CNTN6: variants seen among roughly 807,000 people sequenced by gnomAD.
CNTN6 encodes the protein contactin-6.
A neutral mutation model predicts 122.8 loss-of-function variants in CNTN6; 137 were observed. That is an observed-to-expected ratio of 1.12 (90% CI 0.97 to 1.29). The LOEUF is 1.29. Ranked by LOEUF, CNTN6 falls within the 50% of genes most tolerant of loss-of-function variation. CNTN6 has a pLI of 0.00. For missense variants in CNTN6, 1,634 were observed against 1,223.4 expected, an observed-to-expected ratio of 1.34 and a Z score of -5.01; for synonymous variants, 570 against 426.0, an observed-to-expected ratio of 1.34 and a Z score of -4.16.
intron 3 of CNTN6, among the ~76,000 whole-genome samples, chr3:1,224,042 C>A (rs9812592): frequency 0.25 from 38,576 of 152,082 alleles, 6,175 homozygotes; most frequent in African/African-American, 0.46. Context: ...CCACAGGGGT[C>A]ACAGACTCAA....
At chr3:1,279,694 A>T (rs1185228214) in intron 5 of CNTN6, among the ~76,000 whole-genome samples, 1 of 152,214 alleles carries the variant, frequency 6.6e-6, no homozygotes, top group African/African-American at 2.4e-5. Flanking sequence ...TAAAATACAA[A>T]GGACAGATGT....
intron 8 of CNTN6, among the ~76,000 whole-genome samples, chr3:1,322,862 C>G (rs1299034525): frequency 6.6e-6 from 1 of 151,436 alleles, no homozygotes; most frequent in Non-Finnish European, 1.5e-5. Flanking sequence ...TTTAGCAAAC[C>G]TAGCCAAGAA....
intron 11 of CNTN6, among the ~76,000 whole-genome samples, chr3:1,334,536 G>A (rs1000710538): frequency 2.0e-5 from 3 of 152,112 alleles, no homozygotes; most frequent in African/African-American, 7.2e-5. Flanking sequence ...CCAAGGGGTT[G>A]AAATTGAAAG....
chr3:1,316,143 CAAAAT>C (rs1421227859), intron 7 of CNTN6, among the ~76,000 whole-genome samples: 1 of 151,856 alleles, frequency 6.6e-6, no homozygotes, highest in Admixed American at 6.6e-5. Context: ...TCTTAATCCT[CAAAAT>C]AAGCCTATGA....
rs72054486 is a variant in CNTN6, at chr3:1,300,449, C to CAGGAAGGAAGGAAGGA, written c.761+2488_761+2503dup. Among the ~76,000 whole-genome samples, 413 of 114,486 alleles carry CAGGAAGGAAGGAAGGA rather than the reference C, an allele frequency of 3.6e-3. 3 individuals are homozygous for CAGGAAGGAAGGAAGGA. The highest frequency in any genetic ancestry group is 0.013 in the Middle Eastern group (3 of 236). The allele number at this position is 114,486 out of a possible 152,430, so 75.1% of individuals were successfully genotyped here. ...GAGAAAGGAGCAATTAGGGTCAGTT[C>CAGGAAGGAAGGAAGGA]AGGAAGGAAGGAAGGAAGGAAGGAA... is the stretch of plus-strand genomic sequence containing the variant. On this transcript the variant is annotated intron_variant, in intron 7 of 22. Transcript: ENST00000446702.
chr3:1,240,873 G>T (rs1488824948), intron 4 of CNTN6, among the ~76,000 whole-genome samples: 1 of 152,168 alleles, frequency 6.6e-6, no homozygotes, highest in Admixed American at 6.5e-5. Flanking sequence ...GAGAGTCAGT[G>T]AAGGGAGATA....
chr3:1,274,284 G>A (rs920516241), intron 4 of CNTN6, among the ~76,000 whole-genome samples: 3 of 152,128 alleles, frequency 2.0e-5, no homozygotes, highest in South Asian at 2.1e-4. Context: ...CATCAACAGC[G>A]CCAACATATG....
At chr3:1,348,763 C>T (rs879829217) in intron 11 of CNTN6, among the ~76,000 whole-genome samples, 4 of 151,788 alleles carry the variant, frequency 2.6e-5, no homozygotes, top group African/African-American at 4.8e-5. Context: ...TAGTGGGTAC[C>T]TTGAGTCACT....
intron 2 of CNTN6, among the ~76,000 whole-genome samples, chr3:1,212,613 C>T (rs527982239): frequency 1.3e-5 from 2 of 151,922 alleles, no homozygotes; most frequent in East Asian, 3.9e-4. Flanking sequence ...CTGATTGTAG[C>T]AGTGGCTCAA....
At chr3:1,136,408 C>T (rs757705391) in intron 1 of CNTN6, among the ~76,000 whole-genome samples, 8 of 151,990 alleles carry the variant, frequency 5.3e-5, no homozygotes, top group Non-Finnish European at 7.4e-5. Context: ...TACAGAAAAC[C>T]GAATCCCATG....
Position 1,227,115 on chromosome 3 carries a change from TA to T in CNTN6, c.183-701del, listed in dbSNP as rs1381111048. Reference sequence around the variant, plus strand: ...AGTTATGAATCTTTGAAAGTAAATATAACTCTAAGACTCTTCAGCTAGTTAA... The same window carrying T: ...AGTTATGAATCTTTGAAAGTAAATATACTCTAAGACTCTTCAGCTAGTTAA... On this transcript the variant is annotated intron_variant, in intron 3 of 22. Coordinates refer to ENST00000446702, the MANE Select transcript of CNTN6 (RefSeq NM_001289080.2). Among the ~76,000 whole-genome samples, 4 of 152,300 alleles carry T rather than the reference TA, an allele frequency of 2.6e-5. No homozygotes were observed. In the East Asian group the frequency reaches 7.7e-4, roughly 29 times the overall value.
chr3:1,216,369 G>A (rs1285096192), intron 2 of CNTN6, among the ~76,000 whole-genome samples: 1 of 152,176 alleles, frequency 6.6e-6, no homozygotes, highest in African/African-American at 2.4e-5. Flanking sequence ...CTCTGAGCCT[G>A]ACCAGACTGC....
intron 1 of CNTN6, among the ~76,000 whole-genome samples, chr3:1,102,656 G>A (rs6798428): frequency 0.093 from 13,703 of 146,820 alleles, 1,621 homozygotes; most frequent in African/African-American, 0.29. Flanking sequence ...GGAACCCGGG[G>A]GGCGGAGCTT....
rs910873237 is a variant in CNTN6 at position 1,342,557 on chromosome 3, C to T, written c.1365-9767C>T. On this transcript the variant is annotated intron_variant, in intron 11 of 22. Transcript: ENST00000446702. The stretch of plus-strand genomic sequence containing the variant: ...TCCTTTCCTTTCCCTCTTCCTACGG[C>T]CCATAAATATTTAATTACACTCTGC... Among the ~76,000 whole-genome samples the T allele has an allele frequency of 4.6e-5, 7 of 152,188 alleles. No homozygotes were observed. In the East Asian group the frequency reaches 1.2e-3, roughly 25 times the overall value.
At chr3:1,288,513 G>A (rs1241800967) in intron 5 of CNTN6, among the ~76,000 whole-genome samples, 1 of 152,158 alleles carries the variant, frequency 6.6e-6, no homozygotes, top group African/African-American at 2.4e-5. Flanking sequence ...AAGGTTTGCA[G>A]TAAAGTACAC....
intron 1 of CNTN6, among the ~76,000 whole-genome samples, chr3:1,137,322 A>G (rs2092502810): frequency 6.6e-6 from 1 of 152,248 alleles, no homozygotes; most frequent in Admixed American, 6.5e-5. Context: ...CTTTTACCGC[A>G]TGGAAATATG....
chr3:1,260,010 G>T lies in CNTN6; in HGVS notation c.359-18403G>T, dbSNP rs143365333. On this transcript the variant is annotated intron_variant, in intron 4 of 22. Coordinates refer to ENST00000446702, the MANE Select transcript of CNTN6 (RefSeq NM_001289080.2). ...ATTTTCACAGGTTCTGAGGCATAAA[G>T]AGTTCTTAAGGGTCATGTAGGCCAT... 2.8e-3 allele frequency among the ~76,000 whole-genome samples: 431 copies of T among 152,214 alleles called. 1 individual carries two copies. Among genetic ancestry groups the T allele is most frequent in the African/African-American group, 9.6e-3 (397 of 41,558 alleles).
chr3:1,342,076 T>G (rs1384822826), intron 11 of CNTN6, among the ~76,000 whole-genome samples: 2 of 151,756 alleles, frequency 1.3e-5, no homozygotes, highest in African/African-American at 2.4e-5. Flanking sequence ...TCGATTTTGT[T>G]GAAGAGTTGC....
rs1200356285 is a variant in CNTN6, at chr3:1,245,245, C to CACAT, written c.358+17253_358+17254insCATA. On this transcript the variant is annotated intron_variant, in intron 4 of 22. Coordinates refer to ENST00000446702, the MANE Select transcript of CNTN6 (RefSeq NM_001289080.2). ...ATATATATATATATATACACACACA[C>CACAT]ATATATATATAACATATATATATAT... Among the ~76,000 whole-genome samples, 7 of 14,132 alleles carry CACAT rather than the reference C, an allele frequency of 5.0e-4. 1 individual carries two copies. Among genetic ancestry groups the CACAT allele is most frequent in the African/African-American group, 1.8e-3 (7 of 3,786 alleles). 9.3% of individuals were successfully genotyped at this position (14,132 alleles called of 152,430 possible).
Sources: allele counts gnomAD v4.1 joint callset (sites outside exome capture counted in the v4.1 genomes callset), GRCh38; gene constraint gnomAD v4.1.1; transcripts MANE v1.5; gene names NCBI Gene and HGNC (gene_info 2026-07-23, HGNC 2026-07-21).